Variants in TTN observed in about 807,000 individuals in gnomAD.
The protein encoded by TTN is titin, also known as connectin.
In TTN, 1,525 loss-of-function variants were observed where a neutral mutation model predicts 3,223.0. The observed-to-expected ratio is 0.47, with a 90% CI of 0.45 to 0.49. The LOEUF (loss-of-function observed/expected upper bound fraction) is 0.49. Among genes scored for constraint, TTN ranks in the 20% least tolerant of loss-of-function variants. The pLI is 0.00. For synonymous variants in TTN, 14,094 were observed against 15,161.0 expected, an observed-to-expected ratio of 0.93 and a Z score of 5.17; for missense variants, 40,786 against 43,424.0, an observed-to-expected ratio of 0.94 and a Z score of 5.40.
At position 178,652,389 on chromosome 2, in the gene TTN, A is replaced by G. The variant is rs72650060; in HGVS notation, c.39128-42T>C. On this transcript the variant is annotated intron_variant, in intron 202 of 362. Transcript: ENST00000589042. Reference sequence around the variant, plus strand: ...GAAATTACATTTAGGCATTATGAAGACCACTAGAAAAATACTTTCCAGAGC... The same window carrying G: ...GAAATTACATTTAGGCATTATGAAGGCCACTAGAAAAATACTTTCCAGAGC... 2.0e-3 allele frequency: 3,290 copies of G among 1,613,266 alleles called. 5 individuals are homozygous for G. The highest frequency in any genetic ancestry group is 2.3e-3 in the Non-Finnish European group (2,764 of 1,179,614).
intron 19 of TTN, 39 bp from the exon 20 acceptor site, chr2:178,782,466 C>T: frequency 6.2e-7 from 1 of 1,613,842 alleles, no homozygotes; most frequent in Non-Finnish European, 8.5e-7. Context: ...TTCCGGGTTG[C>T]AATTTGCCAA....
rs1489012738 is a variant in TTN at position 178,530,893 on chromosome 2, A to G, written c.105722T>C (p.Val35241Ala). ...PPRVKSPEPR[V>A]KSPEAVKSPK... is the part of the protein sequence containing the mutation. The stretch of plus-strand genomic sequence containing the variant: ...AGACTTAACTGCTTCTGGGGATTTC[A>G]CCCGAGGCTCTGGGGATTTGACTCT... The change falls in exon 358 of 363, where the codon GTG becomes GCG. Residue 35241 changes from valine (V) to alanine (A), a missense_variant. By Grantham distance (64) the Val-to-Ala change is moderately conservative. Coordinates refer to ENST00000589042, the MANE Select transcript of TTN (RefSeq NM_001267550.2). 6.2e-7 allele frequency: 1 copy of G among 1,611,722 alleles called. No homozygotes were observed. The highest frequency in any genetic ancestry group is 1.4e-5 in the African/African-American group (1 of 74,014).
At position 178,649,572 on chromosome 2, in the gene TTN, C is replaced by T. The variant is rs1159759306; in HGVS notation, c.39955G>A (p.Glu13319Lys). Reference protein sequence around the residue: ...VKKVPTVKKPETPAAKVPEVP... With the variant: ...VKKVPTVKKPKTPAAKVPEVP... ...TGAATACCTTTAGCTGCTGGTGTTT[C>T]TGGCTTCTTAACAGTTGGGACCTTC... The change falls in exon 212 of 363, where the codon GAA becomes AAA. Residue 13319 changes from glutamate (E) to lysine (K), a missense_variant. Glu to Lys is a moderately conservative substitution (Grantham distance 56). Coordinates refer to ENST00000589042, the MANE Select transcript of TTN (RefSeq NM_001267550.2). 3.9e-6 allele frequency: 6 copies of T among 1,549,832 alleles called. No individual in the cohort carries two copies. The South Asian group carries it at 7.1e-5, about 18-fold the overall frequency.
Position 178,543,627 on chromosome 2 carries a change from C to A in TTN, c.96346G>T (p.Glu32116Ter). 6.2e-7 allele frequency: 1 copy of A among 1,600,250 alleles called. No individual in the cohort carries two copies. The highest frequency in any genetic ancestry group is 1.1e-5 in the South Asian group (1 of 90,916). The change falls in exon 347 of 363, where the codon GAA becomes TAA. Residue 32116 changes from glutamate (E) to a stop codon, truncating the protein, a stop_gained. Coordinates refer to ENST00000589042, the MANE Select transcript of TTN (RefSeq NM_001267550.2). LOFTEE classifies it high-confidence loss of function. ...PGPCPSVKVK[E>*]VSRDSVTITW... ...ATAGTCACAGAATCTCTTGATACTT[C>A]CTTAACTTTCACTGAAGGACAGGGA...
In TTN at chr2:178,705,259, C is replaced by A; in HGVS notation, c.29519G>T (p.Arg9840Leu). The A allele has an allele frequency of 6.2e-7, 1 of 1,613,578 alleles. No individual in the cohort carries two copies. Among genetic ancestry groups the A allele is most frequent in the Non-Finnish European group, 8.5e-7 (1 of 1,179,696 alleles). The part of the protein sequence containing the change: ...VDPKEYEKYA[R>L]MYGITDFRGL... The stretch of plus-strand genomic sequence containing the variant: ...TCGGAAGTCAGTGATTCCATACATG[C>A]GGGCATATTTTTCATATTCTTTAGG... Residue 9840 changes from arginine to leucine, a missense_variant, in exon 103 of 363, where the codon CGC (arginine) becomes CTC (leucine). By Grantham distance (102) the Arg-to-Leu change is moderately radical. Transcript: ENST00000589042.
chr2:178,629,007 G>A (rs574457716), intron 240 of TTN, among the ~76,000 whole-genome samples: 33 of 152,060 alleles, frequency 2.2e-4, no homozygotes, highest in Admixed American at 1.9e-3. Context: ...CCTGCCTTCT[G>A]GTTAATCAAA....
At chr2:178,586,978 A>T (rs2049141912) in intron 307 of TTN, 140 bp downstream of exon 307, 1 of 1,366,070 alleles carries the variant, frequency 7.3e-7, no homozygotes, top group African/African-American at 1.5e-5. Flanking sequence ...GTGTTTCATG[A>T]GTGAGATAGA....
In TTN at chr2:178,581,595, C is replaced by T. The variant is rs72646870; in HGVS notation, c.66673G>A (p.Asp22225Asn). 3.6e-4 allele frequency: 582 copies of T among 1,612,660 alleles called. 1 individual carries two copies. Among genetic ancestry groups the T allele is most frequent in the Non-Finnish European group, 4.6e-4 (542 of 1,179,128 alleles). The change falls in exon 316 of 363, where the codon GAC (aspartate) becomes AAC (asparagine). Residue 22225 changes from aspartate to asparagine, a missense_variant. Transcript: ENST00000589042. ...TRFEVTGLME[D>N]TQYQFRVYAV... ...TACACACGGAATTGATATTGTGTGT[C>T]TTCCATCAGGCCAGTAACCTCAAAG...
At chr2:178,710,987 T>C in intron 97 of TTN, 65 bp from the exon 98 acceptor site, 2 of 1,550,808 alleles carry the variant, frequency 1.3e-6, no homozygotes, top group Non-Finnish European at 1.7e-6. Flanking sequence ...TTTACTGAAA[T>C]AGAAATTTCT....
At chr2:178,670,386 A>G in intron 156 of TTN, 91 bp from the exon 157 acceptor site, 1 of 605,594 alleles carries the variant, frequency 1.7e-6, no homozygotes, top group Non-Finnish European at 2.5e-6. Context: ...AGAACAGAAC[A>G]CAGCAACAAT....
chr2:178,592,537 T>C lies in TTN; in HGVS notation c.59468A>G (p.Glu19823Gly). The C allele has an allele frequency of 6.2e-7, 1 of 1,613,500 alleles. No homozygotes were observed. The highest frequency in any genetic ancestry group is 1.7e-5 in the Admixed American group (1 of 59,996). Residue 19823 changes from glutamate to glycine, a missense_variant, in exon 301 of 363, where the codon GAA (glutamate) becomes GGA (glycine). Physicochemically the swap from Glu to Gly is moderately conservative, Grantham distance 98 (BLOSUM62 -2). Coordinates refer to ENST00000589042, the MANE Select transcript of TTN (RefSeq NM_001267550.2). ...VPFPKVTWKK[E>G]DRDAPTKARI... ...TGCTTTAGTTGGAGCATCTCTGTCT[T>C]CTTTTTTCCAAGTTACTTTTGGGAA...
intron 121 of TTN, among the ~76,000 whole-genome samples, chr2:178,690,295 T>C (rs1025184812): frequency 2.0e-5 from 3 of 152,210 alleles, no homozygotes; most frequent in Non-Finnish European, 4.4e-5. Flanking sequence ...CTAAGACTAT[T>C]TTAGACTAAG....
At chr2:178,742,661 G>T (rs144737662) in intron 47 of TTN, among the ~76,000 whole-genome samples, 2 of 152,246 alleles carry the variant, frequency 1.3e-5, no homozygotes, top group African/African-American at 4.8e-5. Flanking sequence ...ACAAAGCAGT[G>T]CATAACAGAG....
chr2:178,706,372 C>T, intron 102 of TTN, 82 bp downstream of exon 102: 6 of 1,424,934 alleles, frequency 4.2e-6, no homozygotes, highest in South Asian at 3.0e-5. Context: ...TAATACTTTC[C>T]ACTGGGGCTG....
At chr2:178,744,632 T>G (rs2083123364) in intron 47 of TTN, 1 of 947,564 alleles carries the variant, frequency 1.1e-6, no homozygotes, top group African/African-American at 1.8e-5. Context: ...TATCTTGTTA[T>G]TTATATATAA....
At position 178,544,067 on chromosome 2, in the gene TTN, A is replaced by G. The variant is rs998031380; in HGVS notation, c.96077T>C (p.Ile32026Thr). 1.2e-6 allele frequency: 2 copies of G among 1,613,524 alleles called. No homozygotes were observed. The highest frequency in any genetic ancestry group is 1.7e-6 in the Non-Finnish European group (2 of 1,179,594). ...LADDLKKTVT[I>T]RAGASLRLMV... ...CAAGCGCAAGGAGGCCCCAGCCCTG[A>G]TGGTCACAGTCTTCTTTAGATCATC... is the stretch of plus-strand genomic sequence containing the variant. The change falls in exon 346 of 363, where the codon ATC becomes ACC. Residue 32026 changes from isoleucine to threonine, a missense_variant. Ile to Thr is a moderately conservative substitution (Grantham distance 89). Coordinates refer to ENST00000589042, the MANE Select transcript of TTN (RefSeq NM_001267550.2).
intron 117 of TTN, 44 bp from the exon 118 acceptor site, chr2:178,694,052 C>G (rs2073113321): frequency 1.4e-6 from 2 of 1,459,304 alleles, no homozygotes; most frequent in East Asian, 2.3e-5. Context: ...TTTTTTAGTA[C>G]AAGACATCAG....
In TTN at chr2:178,699,383, C is replaced by CTTTT. The variant is rs59989386; in HGVS notation, c.30683-473_30683-470dup. ...TTTGTATTCATGAATAAATAACACTCTTTTTTTTTTTTTTTTTTTTTTTTT... is the reference window on the plus strand; with the variant it reads ...TTTGTATTCATGAATAAATAACACTCTTTTTTTTTTTTTTTTTTTTTTTTTTTTT... On this transcript the variant is annotated intron_variant, in intron 111 of 362. Transcript: ENST00000589042. Among the ~76,000 whole-genome samples, 6 of 44,858 alleles carry CTTTT rather than the reference C, an allele frequency of 1.3e-4. 2 individuals are homozygous for CTTTT. Among genetic ancestry groups the CTTTT allele is most frequent in the Non-Finnish European group, 2.6e-4 (6 of 22,888 alleles). The allele number at this position is 44,858 out of a possible 152,430, so 29.4% of individuals were successfully genotyped here. A position where few individuals can be genotyped will look rare whatever the true frequency, so the allele number is the denominator to read the frequency against.
chr2:178,737,905 T>A, intron 49 of TTN, 177 bp downstream of exon 49: 1 of 642,186 alleles, frequency 1.6e-6, no homozygotes. Flanking sequence ...GAAATGTGAC[T>A]GTAAATAATG....
Sources: gnomAD v4.1 joint callset for allele counts (sites outside exome capture counted in the v4.1 genomes callset) on GRCh38, gnomAD v4.1.1 for gene constraint, MANE v1.5 for transcripts, NCBI Gene and HGNC (gene_info 2026-07-23, HGNC 2026-07-21) for gene names.